Variants in PPAT observed in about 807,000 individuals in gnomAD.
The protein encoded by PPAT is amidophosphoribosyltransferase.
Under a neutral mutation model 60.2 loss-of-function variants are expected in PPAT, and 20 were observed. The observed-to-expected ratio is 0.33, with a 90% CI of 0.23 to 0.48. The LOEUF (loss-of-function observed/expected upper bound fraction) is 0.48. Among genes scored for constraint, PPAT ranks in the 20% least tolerant of loss-of-function variants. PPAT has a pLI of 0.99. For missense variants in PPAT, 349 were observed against 629.6 expected, an observed-to-expected ratio of 0.55 and a Z score of 4.77; for synonymous variants, 194 against 215.1, an observed-to-expected ratio of 0.90 and a Z score of 0.86.
At chr4:56,405,215 G>A (rs888115850) in intron 3 of PPAT, among the ~76,000 whole-genome samples, 1 of 151,996 alleles carries the variant, frequency 6.6e-6, no homozygotes. Context: ...AACAGTCTCC[G>A]TCCCTTTTCC....
intron 1 of PPAT, among the ~76,000 whole-genome samples, chr4:56,430,085 A>AC (rs975634255): frequency 2.3e-4 from 35 of 151,948 alleles, no homozygotes; most frequent in South Asian, 6.2e-4. Flanking sequence ...ACATAGTGAA[A>AC]CCCCCCATCT....
intron 1 of PPAT, 101 bp from the exon 2 acceptor site, chr4:56,407,817 G>C (rs1716285501): frequency 4.5e-6 from 4 of 882,804 alleles, no homozygotes; most frequent in South Asian, 4.1e-5. Context: ...CATGAACTTA[G>C]TGTGACAACA....
intron 1 of PPAT, chr4:56,414,212 T>A (rs1220999516): frequency 2.0e-5 from 3 of 152,232 alleles, no homozygotes. Flanking sequence ...TTTCTGGTTT[T>A]TCCTATGGCG....
Position 56,435,222 on chromosome 4 carries a change from C to T in PPAT, c.128+128G>A, listed in dbSNP as rs911545955. ...TAGGCAACCCGGTCGACGCCACAGGCAGGTACTGGCTTAGGTCGGAGAGGT... is the reference window on the plus strand; with the variant it reads ...TAGGCAACCCGGTCGACGCCACAGGTAGGTACTGGCTTAGGTCGGAGAGGT... On this transcript the variant is annotated intron_variant, in intron 1 of 10. Coordinates refer to ENST00000264220, the MANE Select transcript of PPAT (RefSeq NM_002703.5). 2.2e-6 allele frequency: 3 copies of T among 1,369,098 alleles called. No homozygotes were observed. In the South Asian group the frequency reaches 4.0e-5, roughly 18 times the overall value. The allele number at this position is 1,369,098 out of a possible 1,614,324, so 84.8% of individuals were successfully genotyped here.
intron 1 of PPAT, among the ~76,000 whole-genome samples, chr4:56,411,810 CA>C: frequency 6.6e-6 from 1 of 152,160 alleles, no homozygotes; most frequent in East Asian, 1.9e-4. Context: ...ATAAAAGTAC[CA>C]AATGTGAATG....
In PPAT at chr4:56,435,470, A is replaced by G. The variant is rs1167941653; in HGVS notation, c.8T>C (p.Leu3Pro). 2 of 1,613,416 alleles carry G rather than the reference A, an allele frequency of 1.2e-6. No homozygotes were observed. The highest frequency in any genetic ancestry group is 2.7e-5 in the African/African-American group (2 of 74,896). Residue 3 changes from leucine to proline, a missense_variant, in exon 1 of 11, where the codon CTG (leucine) becomes CCG (proline). By Grantham distance (98) the Leu-to-Pro change is moderately conservative. This residue lies in a region of PPAT where 115 missense variants were observed against 174.5 expected (regional missense o/e 0.66). Transcript: ENST00000264220. ME[L>P]EELGIREECG... ...TTCCTCTCGGATCCCCAACTCCTCC[A>G]GCTCCATGTCGCCGCCGAAAGCACG...
At chr4:56,419,791 A>T (rs1232473687) in intron 1 of PPAT, 2 of 984,990 alleles carry the variant, frequency 2.0e-6, no homozygotes, top group Non-Finnish European at 2.4e-6. Context: ...ATATTTCAAC[A>T]AATTGCAGCC....
chr4:56,433,423 A>C (rs575976095), intron 1 of PPAT, among the ~76,000 whole-genome samples: 5 of 149,926 alleles, frequency 3.3e-5, no homozygotes, highest in East Asian at 1.9e-4. Context: ...GAAAAAAAAA[A>C]CCTATAACCA....
intron 1 of PPAT, among the ~76,000 whole-genome samples, chr4:56,411,905 A>T (rs1716482007): frequency 6.6e-6 from 1 of 152,200 alleles, no homozygotes; most frequent in Non-Finnish European, 1.5e-5. Flanking sequence ...TCATTTCATT[A>T]AAAGAAGAAT....
At position 56,435,369 on chromosome 4, in the gene PPAT, G is replaced by A; in HGVS notation, c.109C>T (p.Leu37Phe). ...LDVPHVITLG[L>F]VGLQHRGQES... Reference sequence around the variant, plus strand: ...GCTCACCGGTGCTGCAGCCCCACGAGTCCCAGAGTGATCACATGCGGTACA... The same window carrying A: ...GCTCACCGGTGCTGCAGCCCCACGAATCCCAGAGTGATCACATGCGGTACA... The change falls in exon 1 of 11, where the codon CTC (leucine) becomes TTC (phenylalanine). Residue 37 changes from leucine to phenylalanine, a missense_variant. Physicochemically the swap from Leu to Phe is conservative, Grantham distance 22. Transcript: ENST00000264220. 6.2e-7 allele frequency: 1 copy of A among 1,613,714 alleles called. No individual in the cohort carries two copies. The highest frequency in any genetic ancestry group is 8.5e-7 in the Non-Finnish European group (1 of 1,179,790).
chr4:56,402,213 T>C (rs1398299553), intron 5 of PPAT, 32 bp from the exon 6 acceptor site: 1 of 1,526,218 alleles, frequency 6.6e-7, no homozygotes, highest in Admixed American at 1.7e-5. Context: ...AATTAATGGA[T>C]TCCAGAAATT....
intron 3 of PPAT, among the ~76,000 whole-genome samples, chr4:56,403,680 T>C (rs1431793700): frequency 1.1e-4 from 16 of 152,170 alleles, no homozygotes. Flanking sequence ...TACTGTAATA[T>C]ATAATGAAAT....
chr4:56,432,548 G>C (rs60691650), intron 1 of PPAT, among the ~76,000 whole-genome samples: 1,760 of 147,990 alleles, frequency 0.012, 46 homozygotes, highest in African/African-American at 0.041. Flanking sequence ...AAAAAAGGGA[G>C]GCCAAGGCGG....
At chr4:56,419,929 T>C (rs1716955407) in intron 1 of PPAT, 2 of 984,300 alleles carry the variant, frequency 2.0e-6, no homozygotes. Flanking sequence ...ATGAAATTTT[T>C]TACTGAGTTG....
intron 1 of PPAT, among the ~76,000 whole-genome samples, chr4:56,432,006 A>AGT (rs1560651926): frequency 6.6e-6 from 1 of 152,198 alleles, no homozygotes; most frequent in Non-Finnish European, 1.5e-5. Flanking sequence ...AACTACTAAA[A>AGT]ACGGGGAGTA....
At chr4:56,428,921 T>C (rs1405034244) in intron 1 of PPAT, 10 of 844,198 alleles carry the variant, frequency 1.2e-5, no homozygotes, top group Non-Finnish European at 1.4e-5. Context: ...ATGATTCTTT[T>C]CCTGTGTTTT....
intron 8 of PPAT, 23 bp downstream of exon 8, chr4:56,400,761 G>A (rs759939563): frequency 6.2e-7 from 1 of 1,603,280 alleles, no homozygotes; most frequent in African/African-American, 1.3e-5. Flanking sequence ...GCAATTCACT[G>A]CATGTTAATT....
chr4:56,405,798 T>C (rs956457194), intron 3 of PPAT, among the ~76,000 whole-genome samples: 1 of 152,198 alleles, frequency 6.6e-6, no homozygotes, highest in African/African-American at 2.4e-5. Context: ...AACTGGTAAA[T>C]GTATACAAAG....
rs1715909338 is a variant in PPAT at position 56,394,351 on chromosome 4, T to A, written c.*1001A>T. On this transcript the variant is annotated 3_prime_UTR_variant, in exon 11 of 11. Transcript: ENST00000264220. Reference sequence around the variant, plus strand: ...GATCACTTAATTGCAATAATATTTATGTGTATGTGTACATGTATATGTACA... The same window carrying A: ...GATCACTTAATTGCAATAATATTTAAGTGTATGTGTACATGTATATGTACA... The A allele has an allele frequency of 6.6e-6, 1 of 152,194 alleles. No homozygotes were observed. The highest frequency in any genetic ancestry group is 1.5e-5 in the Non-Finnish European group (1 of 68,026). The allele number at this position is 152,194 out of a possible 1,614,324, so 9.4% of individuals were successfully genotyped here.
Sources: gnomAD v4.1 joint callset for allele counts (sites outside exome capture counted in the v4.1 genomes callset) on GRCh38, gnomAD v4.1.1 for gene constraint, gnomAD v4.1.1 regional missense constraint, MANE v1.5 for transcripts, NCBI Gene and HGNC (gene_info 2026-07-23, HGNC 2026-07-21) for gene names.